The following TAS2R1 variants were observed in gnomAD, a reference collection of about 807,000 sequenced individuals.
TAS2R1 encodes the protein taste receptor type 2 member 1.
For synonymous variants in TAS2R1, 141 were observed against 134.2 expected, an observed-to-expected ratio of 1.05 and a Z score of -0.35; for missense variants, 370 against 353.4, an observed-to-expected ratio of 1.05 and a Z score of -0.38.
At chr5:9,704,360 T>C (rs1741556544) in intron 1 of TAS2R1, among the ~76,000 whole-genome samples, 1 of 112,868 alleles carries the variant, frequency 8.9e-6, no homozygotes, top group South Asian at 2.9e-4. Flanking sequence ...ACAGCTCCAC[T>C]GAGAAAAAAA....
At chr5:9,699,575 T>G (rs1397048723) in intron 1 of TAS2R1, among the ~76,000 whole-genome samples, 1 of 152,108 alleles carries the variant, frequency 6.6e-6, no homozygotes, top group East Asian at 1.9e-4. Context: ...TTTTCTGGCA[T>G]CTAAACTCTG....
intron 1 of TAS2R1, among the ~76,000 whole-genome samples, chr5:9,662,880 C>T (rs954420002): frequency 6.6e-6 from 1 of 152,180 alleles, no homozygotes; most frequent in Non-Finnish European, 1.5e-5. Flanking sequence ...TACCCAATTA[C>T]TTTTGATCAG....
the TAS2R1 span, among the ~76,000 whole-genome samples, chr5:9,747,868 AT>A: frequency 4.0e-5 from 6 of 150,776 alleles, no homozygotes; most frequent in African/African-American, 1.2e-4. Flanking sequence ...AGTAAAGAGG[AT>A]GAGGTTGAAA....
chr5:9,787,597 T>C, the TAS2R1 span, among the ~76,000 whole-genome samples: 36,560 of 152,152 alleles, frequency 0.24, 5,028 homozygotes, highest in Middle Eastern at 0.41. Context: ...ACTAGCCAAG[T>C]GGCAGTGACA....
At chr5:9,826,432 G>A in the TAS2R1 span, among the ~76,000 whole-genome samples, 4 of 152,148 alleles carry the variant, frequency 2.6e-5, no homozygotes, top group East Asian at 3.9e-4. Context: ...TTAAAACAAC[G>A]TAAAAAGAAA....
chr5:9,653,774 G>T (rs1740355688), intron 2 of TAS2R1, among the ~76,000 whole-genome samples: 1 of 151,800 alleles, frequency 6.6e-6, no homozygotes, highest in African/African-American at 2.4e-5. Flanking sequence ...AGATTTTAAT[G>T]AATATATCTG....
intron 1 of TAS2R1, among the ~76,000 whole-genome samples, chr5:9,705,525 TGCTGG>T (rs1454349024): frequency 2.6e-5 from 4 of 152,136 alleles, no homozygotes; most frequent in Admixed American, 1.3e-4. Flanking sequence ...TCGCCAACTT[TGCTGG>T]TGTGTCTGGG....
the TAS2R1 span, among the ~76,000 whole-genome samples, chr5:9,763,835 A>C: frequency 6.4e-4 from 97 of 152,316 alleles, 3 homozygotes; most frequent in East Asian, 0.019. Context: ...AAAACAGGCC[A>C]TTTTCAAATG....
At chr5:9,838,937 C>T in the TAS2R1 span, among the ~76,000 whole-genome samples, 2 of 152,308 alleles carry the variant, frequency 1.3e-5, no homozygotes, top group East Asian at 3.9e-4. Flanking sequence ...GGTTAGAAGG[C>T]TCTGGTTTCA....
the TAS2R1 span, among the ~76,000 whole-genome samples, chr5:9,831,881 T>C: frequency 6.6e-6 from 1 of 152,202 alleles, no homozygotes; most frequent in African/African-American, 2.4e-5. Flanking sequence ...TCTGACATAC[T>C]AGAGAGCCCA....
At chr5:9,795,404 C>A in the TAS2R1 span, among the ~76,000 whole-genome samples, 1 of 152,088 alleles carries the variant, frequency 6.6e-6, no homozygotes, top group African/African-American at 2.4e-5. Flanking sequence ...GGCCCAGCAC[C>A]ATGTCTAGCA....
chr5:9,855,924 A>T, the TAS2R1 span, among the ~76,000 whole-genome samples: 3 of 151,636 alleles, frequency 2.0e-5, no homozygotes, highest in African/African-American at 2.4e-5. Flanking sequence ...TCTGATTGGT[A>T]TCAAGGGCAA....
intron 1 of TAS2R1, among the ~76,000 whole-genome samples, chr5:9,704,692 T>C (rs1479473251): frequency 6.6e-6 from 1 of 152,218 alleles, no homozygotes; most frequent in East Asian, 1.9e-4. Flanking sequence ...TACTAACTTA[T>C]AACAGAATGC....
intron 1 of TAS2R1, among the ~76,000 whole-genome samples, chr5:9,698,329 G>T (rs1741401139): frequency 1.3e-5 from 2 of 152,092 alleles, no homozygotes; most frequent in Non-Finnish European, 2.9e-5. Flanking sequence ...AAATGGCTTA[G>T]GTATTTTGTA....
At chr5:9,718,974 A>G in the TAS2R1 span, among the ~76,000 whole-genome samples, 224 of 152,366 alleles carry the variant, frequency 1.5e-3, no homozygotes, top group African/African-American at 5.2e-3. Context: ...GCCATGCCCA[A>G]TTCTGAACTG....
intron 2 of TAS2R1, among the ~76,000 whole-genome samples, chr5:9,644,565 G>T (rs893439681): frequency 4.6e-5 from 7 of 152,162 alleles, no homozygotes; most frequent in African/African-American, 1.7e-4. Flanking sequence ...GACGGCTACT[G>T]CAGGTAGAGA....
upstream of TAS2R1, among the ~76,000 whole-genome samples, chr5:9,716,123 T>C (rs1734805484): frequency 6.6e-6 from 1 of 152,170 alleles, no homozygotes; most frequent in Admixed American, 6.5e-5. Context: ...TATTCTAGTA[T>C]TGAGACAGGC....
At chr5:9,795,425 G>A in the TAS2R1 span, among the ~76,000 whole-genome samples, 1 of 152,052 alleles carries the variant, frequency 6.6e-6, no homozygotes, top group East Asian at 1.9e-4. Flanking sequence ...CATAACAGGT[G>A]TGCAACATAC....
At chr5:9,631,406 CT>C (rs1360041409), upstream of TAS2R1, among the ~76,000 whole-genome samples, 1 of 152,072 alleles carries the variant, frequency 6.6e-6, no homozygotes, top group Non-Finnish European at 1.5e-5. Flanking sequence ...TGCCTGACTG[CT>C]TTTTAAAAAT....
Sources: gnomAD v4.1 joint callset for allele counts (sites outside exome capture counted in the v4.1 genomes callset) on GRCh38, gnomAD v4.1.1 for gene constraint, MANE v1.5 for transcripts, NCBI Gene and HGNC (gene_info 2026-07-23, HGNC 2026-07-21) for gene names.